Variants in NDFIP1 observed in about 807,000 individuals in gnomAD.
NDFIP1 encodes the protein NEDD4 family-interacting protein 1.
A neutral mutation model predicts 28.8 loss-of-function variants in NDFIP1; 7 were observed. That is an observed-to-expected ratio of 0.24 (90% CI 0.14 to 0.46). The LOEUF (loss-of-function observed/expected upper bound fraction) is 0.46. NDFIP1 is among the 20% of genes least tolerant of loss of function. The probability of loss-of-function intolerance (pLI) is 0.99; values close to 1 mark genes in which losing one functional copy is unlikely to be tolerated. For missense variants in NDFIP1, 194 were observed against 269.1 expected, an observed-to-expected ratio of 0.72 and a Z score of 1.95; for synonymous variants, 92 against 101.0, an observed-to-expected ratio of 0.91 and a Z score of 0.53.
intron 1 of NDFIP1, among the ~76,000 whole-genome samples, chr5:142,120,283 G>A (rs1014495945): frequency 6.6e-6 from 1 of 152,014 alleles, no homozygotes; most frequent in South Asian, 2.1e-4. Context: ...TATAAATCTC[G>A]TCTACAGCCA....
intron 1 of NDFIP1, among the ~76,000 whole-genome samples, chr5:142,112,688 G>A (rs1413338252): frequency 6.6e-6 from 1 of 150,656 alleles, no homozygotes; most frequent in African/African-American, 2.4e-5. Flanking sequence ...CAGCTACTCG[G>A]GAGGCTGAGG....
At chr5:142,142,940 A>AAATATATATATATATATAT (rs60076432) in intron 6 of NDFIP1, 1 of 38,148 alleles carries the variant, frequency 2.6e-5, no homozygotes, top group Non-Finnish European at 4.4e-5. Context: ...AAAAAAAAAA[A>AAATATATATATATATATAT]ATATATATAT....
chr5:142,141,349 T>G (rs1309612015), intron 6 of NDFIP1, among the ~76,000 whole-genome samples: 3 of 151,702 alleles, frequency 2.0e-5, no homozygotes, highest in African/African-American at 7.3e-5. Flanking sequence ...CTAATTTTTT[T>G]GTATTTTTAG....
intron 1 of NDFIP1, among the ~76,000 whole-genome samples, chr5:142,119,427 A>G (rs1217508770): frequency 1.3e-5 from 2 of 152,250 alleles, no homozygotes; most frequent in Non-Finnish European, 2.9e-5. Context: ...TACTTAGGTC[A>G]GCACCTTTTC....
intron 6 of NDFIP1, chr5:142,143,961 C>T (rs1757361221): frequency 6.6e-6 from 1 of 151,616 alleles, no homozygotes; most frequent in East Asian, 1.9e-4. Context: ...CCGCTGCACT[C>T]CAGCCTGGGC....
At chr5:142,133,246 C>G (rs1052375419) in intron 3 of NDFIP1, among the ~76,000 whole-genome samples, 1 of 152,088 alleles carries the variant, frequency 6.6e-6, no homozygotes, top group Non-Finnish European at 1.5e-5. Context: ...TCCTAAATGG[C>G]GATGATGTGC....
chr5:142,127,161 G>A (rs1757178247), intron 1 of NDFIP1, among the ~76,000 whole-genome samples: 1 of 152,084 alleles, frequency 6.6e-6, no homozygotes, highest in African/African-American at 2.4e-5. Flanking sequence ...GACTACAGGT[G>A]CATGCCACCA....
At chr5:142,111,523 A>T (rs1473177589) in intron 1 of NDFIP1, among the ~76,000 whole-genome samples, 3 of 152,140 alleles carry the variant, frequency 2.0e-5, no homozygotes, top group South Asian at 2.1e-4. Context: ...AGGCTTTTGA[A>T]TTATAGAATG....
intron 1 of NDFIP1, among the ~76,000 whole-genome samples, chr5:142,127,434 G>A (rs770549728): frequency 6.6e-6 from 1 of 152,174 alleles, no homozygotes; most frequent in Non-Finnish European, 1.5e-5. Flanking sequence ...CTTCTGGGGA[G>A]CCATTCTAGT....
intron 1 of NDFIP1, among the ~76,000 whole-genome samples, chr5:142,125,030 G>A (rs1757157237): frequency 6.6e-6 from 1 of 152,126 alleles, no homozygotes; most frequent in Admixed American, 6.5e-5. Context: ...GTTTCACCTT[G>A]TTAGCCAGGA....
At chr5:142,138,022 A>T in intron 5 of NDFIP1, 164 bp downstream of exon 5, 1 of 761,666 alleles carries the variant, frequency 1.3e-6, no homozygotes, top group Non-Finnish European at 2.0e-6. Flanking sequence ...ATCATTTGCA[A>T]ATGGTTCATG....
intron 7 of NDFIP1, among the ~76,000 whole-genome samples, chr5:142,146,639 G>A (rs166081): frequency 2.6e-5 from 4 of 152,276 alleles, no homozygotes; most frequent in Non-Finnish European, 4.4e-5. Flanking sequence ...AATTCTGTAG[G>A]TGTAGTCTAA....
At chr5:142,118,176 C>G (rs1163774441) in intron 1 of NDFIP1, among the ~76,000 whole-genome samples, 1 of 152,162 alleles carries the variant, frequency 6.6e-6, no homozygotes, top group African/African-American at 2.4e-5. Context: ...ACATTGTTAT[C>G]AATTAAAGTC....
intron 6 of NDFIP1, among the ~76,000 whole-genome samples, chr5:142,141,821 G>A (rs1199709560): frequency 6.6e-6 from 1 of 152,086 alleles, no homozygotes; most frequent in Non-Finnish European, 1.5e-5. Context: ...ACCCATGCCT[G>A]GCAGGTGTTT....
chr5:142,110,756 ATAGT>A (rs1757006647), intron 1 of NDFIP1, among the ~76,000 whole-genome samples: 2 of 152,328 alleles, frequency 1.3e-5, no homozygotes, highest in South Asian at 4.1e-4. Context: ...GTAAATATAC[ATAGT>A]TATAGATCAG....
Position 142,137,714 on chromosome 5 carries a change from C to T in NDFIP1, c.371-20C>T, listed in dbSNP as rs745758224. ...GTAACAGGACATGTCTAACATCTTTCCCCTCCTCTGCTTTTGCAGTGGCAT... is the reference window on the plus strand; with the variant it reads ...GTAACAGGACATGTCTAACATCTTTTCCCTCCTCTGCTTTTGCAGTGGCAT... On this transcript the variant is annotated intron_variant, in intron 4 of 7. Transcript: ENST00000253814. 68 of 1,613,208 alleles carry T rather than the reference C, an allele frequency of 4.2e-5. No homozygotes were observed. Among genetic ancestry groups the T allele is most frequent in the African/African-American group, 1.2e-4 (9 of 74,882 alleles).
At chr5:142,112,656 TG>T (rs1484885692) in intron 1 of NDFIP1, among the ~76,000 whole-genome samples, 1 of 150,760 alleles carries the variant, frequency 6.6e-6, no homozygotes, top group African/African-American at 2.4e-5. Flanking sequence ...TTGGGCGTGG[TG>T]GCACGTGCCT....
At chr5:142,138,063 A>T in intron 5 of NDFIP1, 1 of 495,316 alleles carries the variant, frequency 2.0e-6, no homozygotes. Context: ...ATCTATTGAA[A>T]ACTGGTCTAT....
At position 142,140,763 on chromosome 5, in the gene NDFIP1, T is replaced by C. The variant is rs1179106991; in HGVS notation, c.562+134T>C. On this transcript the variant is annotated intron_variant, in intron 6 of 7. Coordinates refer to ENST00000253814, the MANE Select transcript of NDFIP1 (RefSeq NM_030571.4). ...CAATTAATAATAAACATTTTTAAAA[T>C]GTTGCTTTCTTAAAAATAGTCTTTC... 4.3e-6 allele frequency: 3 copies of C among 693,500 alleles called. No individual in the cohort carries two copies. The East Asian group carries it at 9.2e-5, about 21-fold the overall frequency. The allele number at this position is 693,500 out of a possible 1,614,324, so 43.0% of individuals were successfully genotyped here.
Sources: gnomAD v4.1 joint callset for allele counts (sites outside exome capture counted in the v4.1 genomes callset) on GRCh38, gnomAD v4.1.1 for gene constraint, MANE v1.5 for transcripts, NCBI Gene and HGNC (gene_info 2026-07-23, HGNC 2026-07-21) for gene names.